Variants in FOXJ3 observed in about 807,000 individuals in gnomAD.
FOXJ3 encodes the protein forkhead box J3.
FOXJ3 carries 22 observed loss-of-function variants against 76.1 expected under a neutral mutation model. The ratio of observed to expected loss-of-function variants is 0.29; its 90% CI spans 0.21 to 0.41. FOXJ3 has a LOEUF of 0.41. Ranked by LOEUF, FOXJ3 falls within the 10% of genes least tolerant of loss-of-function variation. FOXJ3 has a pLI of 1.00. For synonymous variants in FOXJ3, 269 were observed against 261.2 expected (o/e 1.03, Z -0.29); for missense variants, 613 against 762.1 (o/e 0.80, Z 2.30).
chr1:42,289,423 GAA>G (rs1437708353), intron 2 of FOXJ3, among the ~76,000 whole-genome samples: 1 of 152,112 alleles, frequency 6.6e-6, no homozygotes, highest in Non-Finnish European at 1.5e-5. Flanking sequence ...AGCATACAGT[GAA>G]TGCTTGGCAC....
At chr1:42,234,447 C>T (rs1057144158) in intron 4 of FOXJ3, among the ~76,000 whole-genome samples, 3 of 152,176 alleles carry the variant, frequency 2.0e-5, no homozygotes, top group African/African-American at 4.8e-5. Context: ...TGGTGAGGAG[C>T]TGTGTTCCTC....
chr1:42,278,298 CAACA>C (rs763917354), intron 3 of FOXJ3, 46 bp downstream of exon 3: 1 of 1,241,684 alleles, frequency 8.1e-7, no homozygotes. Context: ...CAGTAGAAAT[CAACA>C]TCATTGCTTA....
intron 9 of FOXJ3, among the ~76,000 whole-genome samples, chr1:42,189,988 T>C (rs1267638619): frequency 1.3e-5 from 2 of 152,170 alleles, no homozygotes; most frequent in East Asian, 1.9e-4. Context: ...AAATTTAACA[T>C]AGTCCCCCTG....
chr1:42,290,013 G>A (rs1653315385), intron 2 of FOXJ3, among the ~76,000 whole-genome samples: 1 of 152,122 alleles, frequency 6.6e-6, no homozygotes, highest in Non-Finnish European at 1.5e-5. Flanking sequence ...TAGTAAATAA[G>A]TACGTTCCCT....
intron 3 of FOXJ3, 107 bp downstream of exon 3, chr1:42,278,241 T>C: frequency 4.6e-6 from 4 of 861,676 alleles, no homozygotes; most frequent in Non-Finnish European, 7.1e-6. Context: ...TCACTAGAGA[T>C]CAAAATTTCA....
chr1:42,303,400 A>G (rs893583350), intron 2 of FOXJ3, among the ~76,000 whole-genome samples: 4 of 152,218 alleles, frequency 2.6e-5, no homozygotes, highest in African/African-American at 9.6e-5. Context: ...CTGTATCTAC[A>G]TTATCTTAAG....
At chr1:42,202,259 T>C (rs1557633375) in intron 6 of FOXJ3, among the ~76,000 whole-genome samples, 1 of 152,236 alleles carries the variant, frequency 6.6e-6, no homozygotes. Context: ...GGGTTTATAT[T>C]CCATGTGTCT....
chr1:42,258,362 T>C (rs752176258), intron 4 of FOXJ3, among the ~76,000 whole-genome samples: 11 of 152,334 alleles, frequency 7.2e-5, no homozygotes, highest in Non-Finnish European at 1.5e-4. Flanking sequence ...GCAACCATAC[T>C]TGGAGTTTCA....
chr1:42,213,088 G>A (rs1646998765), intron 5 of FOXJ3, among the ~76,000 whole-genome samples: 1 of 151,736 alleles, frequency 6.6e-6, no homozygotes, highest in African/African-American at 2.4e-5. Flanking sequence ...AGGAGTTCTT[G>A]AAACAAAAGG....
At chr1:42,214,956 C>CA (rs1039244370) in intron 5 of FOXJ3, among the ~76,000 whole-genome samples, 1 of 152,186 alleles carries the variant, frequency 6.6e-6, no homozygotes, top group African/African-American at 2.4e-5. Context: ...CCACTACTCA[C>CA]AAAAGGTGAA....
At chr1:42,259,767 C>CTTA (rs1650893203) in intron 4 of FOXJ3, among the ~76,000 whole-genome samples, 1 of 152,196 alleles carries the variant, frequency 6.6e-6, no homozygotes, top group African/African-American at 2.4e-5. Context: ...CACGTTAGTA[C>CTTA]TTATATTAAT....
chr1:42,330,113 A>T (rs897869835), intron 1 of FOXJ3, among the ~76,000 whole-genome samples: 2 of 152,226 alleles, frequency 1.3e-5, no homozygotes, highest in African/African-American at 4.8e-5. Context: ...TACTTATAAA[A>T]TTTATAAAAT....
At chr1:42,267,433 A>T (rs1651548156) in intron 3 of FOXJ3, among the ~76,000 whole-genome samples, 1 of 152,156 alleles carries the variant, frequency 6.6e-6, no homozygotes, top group Non-Finnish European at 1.5e-5. Context: ...TTTTAAAAAA[A>T]TCCACATTAC....
At chr1:42,263,930 C>CTTTTTTTTTTTTTT (rs61375062) in intron 4 of FOXJ3, among the ~76,000 whole-genome samples, 1 of 71,396 alleles carries the variant, frequency 1.4e-5, no homozygotes, top group African/African-American at 5.0e-5. Flanking sequence ...AGTAGGTTAA[C>CTTTTTTTTTTTTTT]TTTTTTTTTT....
chr1:42,306,677 T>C (rs1292921989), intron 2 of FOXJ3, among the ~76,000 whole-genome samples: 2 of 152,134 alleles, frequency 1.3e-5, no homozygotes, highest in African/African-American at 4.8e-5. Context: ...TATCCCTCAC[T>C]ATCCAGACTC....
chr1:42,300,603 T>G (rs1031348130), intron 2 of FOXJ3, among the ~76,000 whole-genome samples: 1 of 151,978 alleles, frequency 6.6e-6, no homozygotes, highest in Non-Finnish European at 1.5e-5. Flanking sequence ...CAGCAAAACC[T>G]TGTCTCTACA....
chr1:42,185,252 ATTTTTTTTTTT>A (rs36007346), intron 11 of FOXJ3, among the ~76,000 whole-genome samples: 1 of 108,296 alleles, frequency 9.2e-6, no homozygotes, highest in African/African-American at 4.1e-5. Flanking sequence ...AACATACTGA[ATTTTTTTTTTT>A]TTTTTTTTTT....
Position 42,265,122 on chromosome 1 carries a change from G to T in FOXJ3, c.437C>A (p.Pro146His), listed in dbSNP as rs754558545. 1 of 1,570,102 alleles carries T rather than the reference G, an allele frequency of 6.4e-7. No individual in the cohort carries two copies. Among genetic ancestry groups the T allele is most frequent in the South Asian group, 1.1e-5 (1 of 89,846 alleles). ...FLKVPRSKDD[P>H]GKGSYWAIDT... ...TAAGAAGATGAATCCTACCTTTCCA[G>T]GGTCATCCTTAGATCGAGGCACTTT... The change falls in exon 4 of 13, where the codon CCT (proline) becomes CAT (histidine). Residue 146 changes from proline to histidine, a missense_variant. By Grantham distance (77) the Pro-to-His change is moderately conservative. Around this residue, in one of 3 missense-constraint regions of FOXJ3, gnomAD observed 526 missense variants for 601.4 expected, o/e 0.87. Transcript: ENST00000361346.
At chr1:42,208,418 GA>G (rs1333767895) in intron 5 of FOXJ3, among the ~76,000 whole-genome samples, 1 of 152,118 alleles carries the variant, frequency 6.6e-6, no homozygotes, top group East Asian at 1.9e-4. Context: ...ACCATATTAA[GA>G]GAATCAAAGA....
Sources: allele counts gnomAD v4.1 joint callset (sites outside exome capture counted in the v4.1 genomes callset), GRCh38; gene constraint gnomAD v4.1.1; regional missense constraint gnomAD v4.1.1; transcripts MANE v1.5; gene names NCBI Gene and HGNC (gene_info 2026-07-23, HGNC 2026-07-21).